LRRK2: variants seen among roughly 807,000 people sequenced by gnomAD.
LRRK2 encodes leucine-rich repeat serine/threonine-protein kinase 2.
In LRRK2, 203 loss-of-function variants were observed where a neutral mutation model predicts 302.6. The ratio of observed to expected loss-of-function variants is 0.67; its 90% CI spans 0.60 to 0.75. LRRK2 has a LOEUF of 0.75. Among genes scored for constraint, LRRK2 ranks in the 30% least tolerant of loss-of-function variants. The probability of loss-of-function intolerance (pLI) is 0.00; values close to 1 mark genes in which losing one functional copy is unlikely to be tolerated. For synonymous variants in LRRK2, 1,066 were observed against 1,031.9 expected, an observed-to-expected ratio of 1.03 and a Z score of -0.63; for missense variants, 2,830 against 2,951.0, an observed-to-expected ratio of 0.96 and a Z score of 0.95.
In LRRK2 at chr12:40,225,383, C is replaced by T. The variant is rs903338502; in HGVS notation, c.151+101C>T. 6.1e-5 allele frequency: 89 copies of T among 1,452,768 alleles called. No individual in the cohort carries two copies. In the East Asian group the frequency reaches 2.1e-3, roughly 34 times the overall value. 90.0% of individuals were successfully genotyped at this position (1,452,768 alleles called of 1,614,324 possible). A position where few individuals can be genotyped will look rare whatever the true frequency, so the allele number is the denominator to read the frequency against. On this transcript the variant is annotated intron_variant, in intron 1 of 50. Transcript: ENST00000298910. Reference sequence around the variant, plus strand: ...TCCTCCCCTTGACCCTGCTCAAACCCGGACTCTTAAGGAGCCGCAAACTCC... The same window carrying T: ...TCCTCCCCTTGACCCTGCTCAAACCTGGACTCTTAAGGAGCCGCAAACTCC...
In LRRK2 at chr12:40,340,416, G is replaced by T. The variant is rs367818872; in HGVS notation, c.6071G>T (p.Cys2024Phe). The T allele has an allele frequency of 6.2e-7, 1 of 1,613,770 alleles. No homozygotes were observed. The highest frequency in any genetic ancestry group is 8.5e-7 in the Non-Finnish European group (1 of 1,179,842). Reference protein sequence around the residue: ...KIADYGIAQYCCRMGIKTSEG... With the variant: ...KIADYGIAQYFCRMGIKTSEG... ...GCTGACTACGGCATTGCTCAGTACT[G>T]CTGTAGAATGGGGATAAAAACATCA... Residue 2024 changes from cysteine (C) to phenylalanine (F), a missense_variant, in exon 41 of 51, where the codon TGC becomes TTC. Physicochemically the swap from Cys to Phe is radical, Grantham distance 205 (BLOSUM62 -2). Transcript: ENST00000298910.
chr12:40,359,593 A>G, intron 47 of LRRK2, 149 bp downstream of exon 47: 1 of 773,690 alleles, frequency 1.3e-6, no homozygotes, highest in Non-Finnish European at 2.0e-6. Flanking sequence ...TTCATTATAA[A>G]AAATTTTGAA....
At chr12:40,298,972 T>G in intron 24 of LRRK2, 137 bp from the exon 25 acceptor site, 2 of 604,458 alleles carry the variant, frequency 3.3e-6, no homozygotes, top group Non-Finnish European at 5.2e-6. Context: ...ATCAACTGAC[T>G]TACATTTTTA....
chr12:40,263,570 C>G (rs951476229), intron 13 of LRRK2, among the ~76,000 whole-genome samples: 1 of 152,126 alleles, frequency 6.6e-6, no homozygotes, highest in Admixed American at 6.6e-5. Context: ...ATTCAGTAAG[C>G]ATTCTTACAC....
intron 31 of LRRK2, 139 bp downstream of exon 31, chr12:40,310,788 T>C: frequency 1.3e-6 from 1 of 789,642 alleles, no homozygotes; most frequent in East Asian, 2.6e-5. Flanking sequence ...TTAAAGTCCT[T>C]TCCATTTTAA....
chr12:40,334,940 C>A (rs776092194), intron 39 of LRRK2, 27 bp from the exon 40 acceptor site: 1 of 1,612,438 alleles, frequency 6.2e-7, no homozygotes, highest in South Asian at 1.1e-5. Context: ...TGTTGAATTA[C>A]TCTTACATGA....
chr12:40,339,261 G>A (rs1945965561), intron 40 of LRRK2, among the ~76,000 whole-genome samples: 1 of 152,148 alleles, frequency 6.6e-6, no homozygotes, highest in Admixed American at 6.5e-5. Flanking sequence ...TAAGTCTTGT[G>A]AGAAATTATT....
At chr12:40,260,063 C>A (rs1942702074) in intron 13 of LRRK2, among the ~76,000 whole-genome samples, 1 of 152,046 alleles carries the variant, frequency 6.6e-6, no homozygotes, top group Non-Finnish European at 1.5e-5. Flanking sequence ...TGGCTTCCAC[C>A]CTCCACCCAC....
At chr12:40,349,117 C>T (rs1946279658) in intron 43 of LRRK2, among the ~76,000 whole-genome samples, 1 of 151,986 alleles carries the variant, frequency 6.6e-6, no homozygotes, top group Non-Finnish European at 1.5e-5. Context: ...TATCCCATTC[C>T]TTTTTTTAAT....
In LRRK2 at chr12:40,240,500, A is replaced by T. The variant is rs760870571; in HGVS notation, c.589A>T (p.Thr197Ser). 3.7e-6 allele frequency: 6 copies of T among 1,613,128 alleles called. No homozygotes were observed. The highest frequency in any genetic ancestry group is 5.1e-6 in the Non-Finnish European group (6 of 1,179,446). Reference sequence around the variant, plus strand: ...TTTTTAAGTCTCAGAGGAGCAACTGACTGAATTTGTTGAGAACAAAGATTA... The same window carrying T: ...TTTTTAAGTCTCAGAGGAGCAACTGTCTGAATTTGTTGAGAACAAAGATTA... ...LFERVSEEQL[T>S]EFVENKDYMI... is the part of the protein sequence containing the mutation. The change falls in exon 6 of 51, where the codon ACT (threonine) becomes TCT (serine). Residue 197 changes from threonine (T) to serine (S), a missense_variant. Coordinates refer to ENST00000298910, the MANE Select transcript of LRRK2 (RefSeq NM_198578.4).
At chr12:40,287,672 G>GT in intron 20 of LRRK2, 133 bp downstream of exon 20, 1 of 870,382 alleles carries the variant, frequency 1.1e-6, no homozygotes. Context: ...ATCGCAAACA[G>GT]TTAAGTTTAC....
chr12:40,278,275 G>T lies in LRRK2; in HGVS notation c.2241+14G>T. The T allele has an allele frequency of 6.2e-7, 1 of 1,613,980 alleles. No homozygotes were observed. Among genetic ancestry groups the T allele is most frequent in the Non-Finnish European group, 8.5e-7 (1 of 1,179,916 alleles). On this transcript the variant is annotated intron_variant, in intron 18 of 50. Coordinates refer to ENST00000298910, the MANE Select transcript of LRRK2 (RefSeq NM_198578.4). Reference sequence around the variant, plus strand: ...TTAATTTGTCAGGTAAATATTCAAGGCCTCACTTTTGTCTTTGCTCAGTAT... The same window carrying T: ...TTAATTTGTCAGGTAAATATTCAAGTCCTCACTTTTGTCTTTGCTCAGTAT...
chr12:40,301,133 A>G, intron 25 of LRRK2: 1 of 456,440 alleles, frequency 2.2e-6, no homozygotes, highest in Admixed American at 2.3e-5. Context: ...TTTGCTTTGC[A>G]CTACACAATC....
In LRRK2 at chr12:40,299,124, G is replaced by A. The variant is rs757802734; in HGVS notation, c.3363G>A (p.Gly1121=). The A allele has an allele frequency of 3.7e-6, 6 of 1,612,646 alleles. No individual in the cohort carries two copies. Among genetic ancestry groups the A allele is most frequent in the South Asian group, 2.2e-5 (2 of 91,022 alleles). Residue 1121 remains glycine, a synonymous_variant, in exon 25 of 51, where the codon GGG becomes GGA. Coordinates refer to ENST00000298910, the MANE Select transcript of LRRK2 (RefSeq NM_198578.4). ...TTGTGACTAGAAATAAAATATCAGGGATATGCTCCCCCTTGAGACTGAAGG... is the reference window on the plus strand; with the variant it reads ...TTGTGACTAGAAATAAAATATCAGGAATATGCTCCCCCTTGAGACTGAAGG... ...QLILEGNKIS[G]ICSPLRLKEL... is the part of the protein sequence containing the mutation.
At chr12:40,346,046 G>A (rs1366365258) in intron 41 of LRRK2, among the ~76,000 whole-genome samples, 2 of 151,900 alleles carry the variant, frequency 1.3e-5, no homozygotes, top group Admixed American at 1.3e-4. Context: ...ATGTCTTTAG[G>A]TTGATTATAT....
chr12:40,368,560 C>A lies in LRRK2; in HGVS notation c.*795C>A, dbSNP rs776510068. The A allele has an allele frequency of 6.6e-6, 1 of 151,860 alleles. No homozygotes were observed. The highest frequency in any genetic ancestry group is 1.5e-5 in the Non-Finnish European group (1 of 67,766). The allele number at this position is 151,860 out of a possible 1,614,324, so 9.4% of individuals were successfully genotyped here. On this transcript the variant is annotated 3_prime_UTR_variant, in exon 51 of 51. Coordinates refer to ENST00000298910, the MANE Select transcript of LRRK2 (RefSeq NM_198578.4). ...AGTGTAAATACAGTGTTCAGTCCTT[C>A]AAGTGATATTTTTATTTTTTTATTC...
chr12:40,294,132 CATCTATCTATCTATCTATCT>C lies in LRRK2; in HGVS notation c.2808+497_2808+516del, dbSNP rs72446556. 7.3e-4 allele frequency among the ~76,000 whole-genome samples: 109 copies of C among 149,212 alleles called. 2 individuals carry two copies. In the South Asian group the frequency reaches 0.018, roughly 25 times the overall value. On this transcript the variant is annotated intron_variant, in intron 21 of 50. Transcript: ENST00000298910. ...ATTCATTGTTCATCTATCTATCTATCATCTATCTATCTATCTATCTATCTATCTATCTATCTATCTATCTA... is the reference window on the plus strand; with the variant it reads ...ATTCATTGTTCATCTATCTATCTATCATCTATCTATCTATCTATCTATCTA...
chr12:40,367,576 A>G, intron 50 of LRRK2, 68 bp from the exon 51 acceptor site: 2 of 1,520,816 alleles, frequency 1.3e-6, no homozygotes, highest in South Asian at 1.2e-5. Flanking sequence ...CATGAGCCAA[A>G]CTGAAATAAA....
At chr12:40,331,284 G>A (rs1040537359) in intron 39 of LRRK2, among the ~76,000 whole-genome samples, 1 of 152,164 alleles carries the variant, frequency 6.6e-6, no homozygotes, top group African/African-American at 2.4e-5. Flanking sequence ...GAACAAGAAG[G>A]TTAGACCATA....
Sources: gnomAD v4.1 joint callset for allele counts (sites outside exome capture counted in the v4.1 genomes callset) on GRCh38, gnomAD v4.1.1 for gene constraint, MANE v1.5 for transcripts, NCBI Gene and HGNC (gene_info 2026-07-23, HGNC 2026-07-21) for gene names.